NTNG1: variants seen among roughly 807,000 people sequenced by gnomAD.
The protein encoded by NTNG1 is netrin-G1.
In NTNG1, 16 loss-of-function variants were observed where a neutral mutation model predicts 54.0. The ratio of observed to expected loss-of-function variants is 0.30; its 90% confidence interval spans 0.20 to 0.45. The LOEUF (loss-of-function observed/expected upper bound fraction) is 0.45. NTNG1 is among the 20% of genes least tolerant of loss of function. The pLI, the probability that NTNG1 is intolerant of heterozygous loss-of-function variation, is 1.00. For missense variants in NTNG1, 530 were observed against 678.7 expected (o/e 0.78, Z 2.43); for synonymous variants, 255 against 263.1 (o/e 0.97, Z 0.30).
intron 2 of NTNG1, among the ~76,000 whole-genome samples, chr1:107,250,658 A>G (rs1049279636): frequency 2.6e-5 from 4 of 152,240 alleles, no homozygotes; most frequent in African/African-American, 9.6e-5. Context: ...ATACCTTTGC[A>G]AAACTGCCTT....
chr1:107,351,104 A>G (rs1225864190), intron 3 of NTNG1, among the ~76,000 whole-genome samples: 1 of 152,246 alleles, frequency 6.6e-6, no homozygotes, highest in Non-Finnish European at 1.5e-5. Flanking sequence ...GTATTTAAAT[A>G]TACACAATTT....
chr1:107,341,569 G>A (rs1668897026), intron 3 of NTNG1, among the ~76,000 whole-genome samples: 1 of 152,028 alleles, frequency 6.6e-6, no homozygotes, highest in Non-Finnish European at 1.5e-5. Flanking sequence ...GATGATGGAT[G>A]GCCTACTTTG....
At chr1:107,435,475 T>G (rs996014349) in intron 6 of NTNG1, among the ~76,000 whole-genome samples, 2 of 152,152 alleles carry the variant, frequency 1.3e-5, no homozygotes, top group African/African-American at 4.8e-5. Context: ...GAAACCTGAC[T>G]TAATTAGCAT....
chr1:107,323,109 A>G (rs1428139501), intron 2 of NTNG1, among the ~76,000 whole-genome samples: 2 of 152,058 alleles, frequency 1.3e-5, no homozygotes, highest in Non-Finnish European at 2.9e-5. Context: ...ATATGGAAAA[A>G]AAAAAAAAGG....
chr1:107,398,091 C>T (rs1348313465), intron 4 of NTNG1, among the ~76,000 whole-genome samples: 1 of 152,046 alleles, frequency 6.6e-6, no homozygotes, highest in Non-Finnish European at 1.5e-5. Flanking sequence ...ACTTCTGGTC[C>T]CTCAAAATCA....
Position 107,436,722 on chromosome 1 carries a change from G to A in NTNG1, c.1313G>A (p.Cys438Tyr). 1 of 1,613,448 alleles carries A rather than the reference G, an allele frequency of 6.2e-7. No homozygotes were observed. The highest frequency in any genetic ancestry group is 8.5e-7 in the Non-Finnish European group (1 of 1,179,520). ...IHDRCNGSGF[C>Y]ECKTGTTGPK... ...GATCGTTGTAATGGCTCAGGATTTT[G>A]TGAGTGTAAGACTGGAACAACAGGG... Residue 438 changes from cysteine to tyrosine, a missense_variant, in exon 7 of 8, where the codon TGT (cysteine) becomes TAT (tyrosine). Around this residue, in one of 2 missense-constraint regions of NTNG1, gnomAD observed 212 missense variants for 213.6 expected, o/e 0.99. Coordinates refer to ENST00000370068, the MANE Select transcript of NTNG1 (RefSeq NM_001113226.3).
At chr1:107,418,729 G>A (rs1350243502) in intron 5 of NTNG1, 3 of 806,420 alleles carry the variant, frequency 3.7e-6, no homozygotes, top group Non-Finnish European at 6.1e-6. Context: ...CACAAAATAA[G>A]AGCATTATCA....
intron 2 of NTNG1, among the ~76,000 whole-genome samples, chr1:107,280,051 G>A (rs1004001200): frequency 6.6e-6 from 1 of 151,158 alleles, no homozygotes; most frequent in Admixed American, 6.6e-5. Context: ...GTGTGTGTGT[G>A]TGTGTGTGTG....
intron 3 of NTNG1, among the ~76,000 whole-genome samples, chr1:107,386,163 A>ATTTTTTT (rs1418690291): frequency 1.4e-5 from 1 of 73,794 alleles, no homozygotes; most frequent in African/African-American, 4.2e-5. Context: ...ATATATATAT[A>ATTTTTTT]TATTTTTTTT....
chr1:107,435,884 T>C (rs1244786834), intron 6 of NTNG1, among the ~76,000 whole-genome samples: 1 of 152,194 alleles, frequency 6.6e-6, no homozygotes, highest in Non-Finnish European at 1.5e-5. Flanking sequence ...GTTCAAGCTT[T>C]AAGCAAAATA....
upstream of NTNG1, among the ~76,000 whole-genome samples, chr1:107,140,619 T>C (rs987608530): frequency 6.6e-6 from 1 of 151,852 alleles, no homozygotes; most frequent in African/African-American, 2.4e-5. Flanking sequence ...GCGCCAATGC[T>C]AATTGTCCTG....
intron 7 of NTNG1, among the ~76,000 whole-genome samples, chr1:107,438,955 A>T (rs1411491735): frequency 6.6e-6 from 1 of 152,174 alleles, no homozygotes; most frequent in Non-Finnish European, 1.5e-5. Context: ...ACATGCATTT[A>T]TTCTTTTGAG....
At chr1:107,281,838 C>T (rs374372752) in intron 2 of NTNG1, among the ~76,000 whole-genome samples, 2 of 151,998 alleles carry the variant, frequency 1.3e-5, no homozygotes, top group African/African-American at 4.8e-5. Flanking sequence ...ACATTTTTTC[C>T]CAGCAAGACA....
At chr1:107,348,314 C>A (rs183454840) in intron 3 of NTNG1, among the ~76,000 whole-genome samples, 1 of 152,060 alleles carries the variant, frequency 6.6e-6, no homozygotes, top group South Asian at 2.1e-4. Flanking sequence ...TTAGAAGAGA[C>A]GGCGTTTTGC....
chr1:107,161,775 CAG>C (rs1655422691), intron 2 of NTNG1, among the ~76,000 whole-genome samples: 1 of 151,318 alleles, frequency 6.6e-6, no homozygotes, highest in African/African-American at 2.4e-5. Context: ...ATATCACTGA[CAG>C]AGTTGAAATA....
rs114189526 is a variant in NTNG1 at position 107,431,321 on chromosome 1, A to G, written c.1255+404A>G. ...GATTTAATTATAGATATGAAAAATT[A>G]GGGTACAGATTCTTGCATATAATTG... On this transcript the variant is annotated intron_variant, in intron 6 of 7. Transcript: ENST00000370068. 5.7e-3 allele frequency among the ~76,000 whole-genome samples: 874 copies of G among 152,304 alleles called. 12 individuals carry two copies. Among genetic ancestry groups the G allele is most frequent in the African/African-American group, 0.02 (832 of 41,572 alleles).
At chr1:107,409,068 A>C (rs1673632283) in intron 5 of NTNG1, 1 of 152,118 alleles carries the variant, frequency 6.6e-6, no homozygotes, top group African/African-American at 2.4e-5. Context: ...ATACCAGCCT[A>C]ATGCTACAGC....
intron 2 of NTNG1, among the ~76,000 whole-genome samples, chr1:107,271,681 A>G (rs1664152603): frequency 6.6e-6 from 1 of 152,188 alleles, no homozygotes; most frequent in South Asian, 2.1e-4. Flanking sequence ...TGTATACAAC[A>G]CAGAGAAATG....
intron 2 of NTNG1, among the ~76,000 whole-genome samples, chr1:107,150,930 T>C (rs1654519774): frequency 6.6e-6 from 1 of 152,190 alleles, no homozygotes; most frequent in East Asian, 1.9e-4. Flanking sequence ...ATCCCTCAGC[T>C]TTCTCAAGTG....
Sources: allele counts gnomAD v4.1 joint callset (sites outside exome capture counted in the v4.1 genomes callset), GRCh38; gene constraint gnomAD v4.1.1; regional missense constraint gnomAD v4.1.1; transcripts MANE v1.5; gene names NCBI Gene and HGNC (gene_info 2026-07-23, HGNC 2026-07-21).